Variants in RABGAP1L observed in about 807,000 individuals in gnomAD.
RABGAP1L encodes rab GTPase-activating protein 1-like.
RABGAP1L carries 63 observed loss-of-function variants against 137.7 expected under a neutral mutation model. The ratio of observed to expected loss-of-function variants is 0.46; its 90% confidence interval spans 0.37 to 0.56. RABGAP1L has a LOEUF of 0.56. Among genes scored for constraint, RABGAP1L ranks in the 20% least tolerant of loss-of-function variants. The pLI is 0.00. For synonymous variants in RABGAP1L, 431 were observed against 433.7 expected (o/e 0.99, Z 0.08); for missense variants, 1,095 against 1,244.0 (o/e 0.88, Z 1.80).
chr1:174,569,809 GCTT>G (rs1407259972), intron 13 of RABGAP1L, among the ~76,000 whole-genome samples: 1 of 152,198 alleles, frequency 6.6e-6, no homozygotes, highest in African/African-American at 2.4e-5. Flanking sequence ...AAGCTCTGCT[GCTT>G]CTTCCTTCTG....
In RABGAP1L at chr1:174,931,990, GTTT is replaced by G. The variant is rs532860564; in HGVS notation, c.2341-25445_2341-25443del. On this transcript the variant is annotated intron_variant, in intron 19 of 25. Coordinates refer to ENST00000681986, the MANE Select transcript of RABGAP1L (RefSeq NM_001366446.1). ...AAAATTTCTTTAGACTGCTTTTTTG[GTTT>G]TTTTTTTTTTTTTTTTTTTTTGCCT... 6.9e-3 allele frequency among the ~76,000 whole-genome samples: 482 copies of G among 69,646 alleles called. 1 individual carries two copies. Among genetic ancestry groups the G allele is most frequent in the African/African-American group, 0.023 (432 of 18,916 alleles). 45.7% of individuals were successfully genotyped at this position (69,646 alleles called of 152,430 possible). A position where few individuals can be genotyped will look rare whatever the true frequency, so the allele number is the denominator to read the frequency against.
At chr1:174,830,908 T>C (rs1331182738) in intron 19 of RABGAP1L, among the ~76,000 whole-genome samples, 1 of 148,146 alleles carries the variant, frequency 6.8e-6, no homozygotes, top group Non-Finnish European at 1.5e-5. Flanking sequence ...TGAGTAGAGA[T>C]ACTCTGATTA....
chr1:174,992,090 A>G lies in RABGAP1L; in HGVS notation c.*2089A>G, dbSNP rs1359182690. 1 of 152,204 alleles carries G rather than the reference A, an allele frequency of 6.6e-6. No homozygotes were observed. Among genetic ancestry groups the G allele is most frequent in the Non-Finnish European group, 1.5e-5 (1 of 68,036 alleles). The allele number at this position is 152,204 out of a possible 1,614,324, so 9.4% of individuals were successfully genotyped here. A position where few individuals can be genotyped will look rare whatever the true frequency, so the allele number is the denominator to read the frequency against. The stretch of plus-strand genomic sequence containing the variant: ...CATAATGGCTCTAGGTCAATCCCTT[A>G]TCTAAAGACCTTGTTCAACTTCATA... On this transcript the variant is annotated 3_prime_UTR_variant, in exon 26 of 26. Transcript: ENST00000681986.
chr1:174,608,028 A>G (rs1670915032), intron 13 of RABGAP1L, among the ~76,000 whole-genome samples: 3 of 152,318 alleles, frequency 2.0e-5, no homozygotes, highest in Non-Finnish European at 4.4e-5. Context: ...GAGTAGTTCC[A>G]TTGGATAACA....
chr1:174,829,568 T>C (rs1362152392), intron 19 of RABGAP1L, among the ~76,000 whole-genome samples: 1 of 148,490 alleles, frequency 6.7e-6, no homozygotes, highest in Non-Finnish European at 1.5e-5. Context: ...CTAAAAGTTT[T>C]TTCAAGTTTC....
intron 11 of RABGAP1L, among the ~76,000 whole-genome samples, chr1:174,349,133 G>C (rs1412234557): frequency 7.4e-6 from 1 of 134,736 alleles, no homozygotes; most frequent in African/African-American, 2.8e-5. Context: ...GGACGGGGCG[G>C]CTGGCCGGGC....
chr1:174,285,074 T>C (rs1558099343), intron 10 of RABGAP1L, among the ~76,000 whole-genome samples: 1 of 152,130 alleles, frequency 6.6e-6, no homozygotes, highest in South Asian at 2.1e-4. Context: ...TGGAGTGCAG[T>C]GGTATGATCT....
intron 1 of RABGAP1L, among the ~76,000 whole-genome samples, chr1:174,190,491 G>A (rs760798777): frequency 2.0e-5 from 3 of 152,120 alleles, no homozygotes; most frequent in African/African-American, 2.4e-5. Context: ...GCATCTGCTA[G>A]TTTCATACTT....
intron 7 of RABGAP1L, among the ~76,000 whole-genome samples, chr1:174,270,643 T>C (rs1674480287): frequency 6.6e-6 from 1 of 151,916 alleles, no homozygotes; most frequent in Non-Finnish European, 1.5e-5. Context: ...AATAAAAAAA[T>C]CCTTTAAATT....
chr1:174,723,581 T>C, intron 17 of RABGAP1L, among the ~76,000 whole-genome samples: 1 of 152,208 alleles, frequency 6.6e-6, no homozygotes, highest in East Asian at 1.9e-4. Flanking sequence ...TCTTCTGTGA[T>C]GTCTTTTCGA....
At chr1:174,766,092 A>G (rs982087920) in intron 18 of RABGAP1L, among the ~76,000 whole-genome samples, 1 of 152,184 alleles carries the variant, frequency 6.6e-6, no homozygotes, top group African/African-American at 2.4e-5. Flanking sequence ...GGACATTGGG[A>G]CACAGACATG....
chr1:174,494,607 C>A (rs902815919), intron 13 of RABGAP1L, among the ~76,000 whole-genome samples: 1 of 152,122 alleles, frequency 6.6e-6, no homozygotes, highest in Non-Finnish European at 1.5e-5. Flanking sequence ...TCTCTGTTTT[C>A]ATTACTAACG....
intron 19 of RABGAP1L, among the ~76,000 whole-genome samples, chr1:174,925,140 C>T (rs1662500748): frequency 6.6e-6 from 1 of 151,744 alleles, no homozygotes; most frequent in Admixed American, 6.6e-5. Flanking sequence ...CTGAGGCGGG[C>T]GTATCACAAG....
chr1:174,176,711 CAGAAAAAAA>C (rs1665882917), intron 1 of RABGAP1L, among the ~76,000 whole-genome samples: 1 of 10,614 alleles, frequency 9.4e-5, no homozygotes, highest in African/African-American at 5.2e-4. Flanking sequence ...GACCCTTTTT[CAGAAAAAAA>C]AAAAAAAAAA....
chr1:174,377,543 G>T (rs991985976), intron 12 of RABGAP1L, among the ~76,000 whole-genome samples: 2 of 152,066 alleles, frequency 1.3e-5, no homozygotes, highest in Non-Finnish European at 2.9e-5. Context: ...ATAGAGCCAC[G>T]CAATCTAAAC....
chr1:174,467,783 A>G (rs1038384263), intron 13 of RABGAP1L, among the ~76,000 whole-genome samples: 2 of 152,088 alleles, frequency 1.3e-5, no homozygotes, highest in Non-Finnish European at 2.9e-5. Flanking sequence ...CTTTCTACCT[A>G]ATATATGCTA....
chr1:174,452,185 T>C (rs1408836986), intron 13 of RABGAP1L, among the ~76,000 whole-genome samples: 1 of 152,184 alleles, frequency 6.6e-6, no homozygotes, highest in East Asian at 1.9e-4. Flanking sequence ...TTGTATTTTG[T>C]GGTAATTATC....
chr1:174,485,830 T>C (rs1248821425), intron 13 of RABGAP1L, among the ~76,000 whole-genome samples: 1 of 152,218 alleles, frequency 6.6e-6, no homozygotes, highest in Non-Finnish European at 1.5e-5. Context: ...CTGATTTTGG[T>C]ATAAGGGTAA....
chr1:174,853,147 C>T (rs1648662948), intron 19 of RABGAP1L, among the ~76,000 whole-genome samples: 1 of 150,994 alleles, frequency 6.6e-6, no homozygotes, highest in Admixed American at 6.6e-5. Context: ...GGCTTTATCA[C>T]TGATTGGTGT....
Sources: allele counts gnomAD v4.1 joint callset (sites outside exome capture counted in the v4.1 genomes callset), GRCh38; gene constraint gnomAD v4.1.1; transcripts MANE v1.5; gene names NCBI Gene and HGNC (gene_info 2026-07-23, HGNC 2026-07-21).